VPS9D1: variants seen among roughly 807,000 people sequenced by gnomAD.
VPS9D1 encodes VPS9 domain-containing protein 1.
A neutral mutation model predicts 75.8 loss-of-function variants in VPS9D1; 78 were observed. The ratio of observed to expected loss-of-function variants is 1.03; its 90% CI spans 0.86 to 1.24. The LOEUF (loss-of-function observed/expected upper bound fraction) is 1.24, where lower values mean the gene tolerates loss of function less well. Among genes scored for constraint, VPS9D1 ranks in the 50% most tolerant of loss-of-function variants. The pLI, the probability that VPS9D1 is intolerant of heterozygous loss-of-function variation, is 0.00. For missense variants in VPS9D1, 1,057 were observed against 847.7 expected, an observed-to-expected ratio of 1.25 and a Z score of -3.07; for synonymous variants, 481 against 385.6, an observed-to-expected ratio of 1.25 and a Z score of -2.90.
intron 6 of VPS9D1, 104 bp from the exon 7 acceptor site, chr16:89,712,203 C>T: frequency 1.3e-6 from 2 of 1,490,178 alleles, no homozygotes; most frequent in Non-Finnish European, 9.1e-7. Context: ...GACCTCCTCT[C>T]GGTGAGGGGC....
intron 1 of VPS9D1, among the ~76,000 whole-genome samples, chr16:89,720,242 G>A (rs369845571): frequency 2.0e-5 from 3 of 152,170 alleles, no homozygotes; most frequent in East Asian, 3.9e-4. Context: ...GGCTGGGCCA[G>A]CTTCTCTACC....
In VPS9D1 at chr16:89,711,898, T is replaced by C; in HGVS notation, c.731A>G (p.Glu244Gly). 1 of 1,551,182 alleles carries C rather than the reference T, an allele frequency of 6.4e-7. No individual in the cohort carries two copies. The highest frequency in any genetic ancestry group is 8.7e-7 in the Non-Finnish European group (1 of 1,146,968). The change falls in exon 8 of 15, where the codon GAG becomes GGG. Residue 244 changes from glutamate to glycine, a missense_variant. Physicochemically the swap from Glu to Gly is moderately conservative, Grantham distance 98 (BLOSUM62 -2). Transcript: ENST00000389386. ...EQRALYAAIL[E>G]YEQDHDWPKH... is the part of the protein sequence containing the mutation. ...GGGACGCACATGGTCCTGTTCGTAC[T>C]CCAGGATGGCGGCGTAAAGGGCCCG...
chr16:89,720,452 A>C, intron 1 of VPS9D1: 1 of 1,071,398 alleles, frequency 9.3e-7, no homozygotes, highest in East Asian at 6.2e-5. Context: ...CCTGCCCGTC[A>C]CTCGGATTTT....
Position 89,709,239 on chromosome 16 carries a change from G to T in VPS9D1, c.1585C>A (p.Leu529Met). 6.2e-7 allele frequency: 1 copy of T among 1,611,954 alleles called. No homozygotes were observed. Among genetic ancestry groups the T allele is most frequent in the South Asian group, 1.1e-5 (1 of 91,050 alleles). ...LVLESCPQKK[L>M]ECIVRTLRII... Reference sequence around the variant, plus strand: ...CGAACCTGCTGACCTATGCACTCCAGCTTCTTCTGGGGGCAGCTCTCCAGG... The same window carrying T: ...CGAACCTGCTGACCTATGCACTCCATCTTCTTCTGGGGGCAGCTCTCCAGG... The change falls in exon 12 of 15, where the codon CTG (leucine) becomes ATG (methionine). Residue 529 changes from leucine (L) to methionine (M), a missense_variant. Leu to Met is a conservative substitution (Grantham distance 15). Coordinates refer to ENST00000389386, the MANE Select transcript of VPS9D1 (RefSeq NM_004913.3).
intron 2 of VPS9D1, among the ~76,000 whole-genome samples, chr16:89,718,469 C>T (rs1305414251): frequency 2.0e-5 from 3 of 152,312 alleles, no homozygotes; most frequent in South Asian, 2.1e-4. Context: ...TGCTGCCCCA[C>T]GTCTGTGCCG....
At position 89,718,863 on chromosome 16, in the gene VPS9D1, G is replaced by A. The variant is rs1055936886; in HGVS notation, c.175+164C>T. ...CGAGTAGCTGGGACTACAGACACCC[G>A]CCACCAGGCCCAGCTGATTTTTTAG... is the stretch of plus-strand genomic sequence containing the variant. On this transcript the variant is annotated intron_variant, in intron 2 of 14. Coordinates refer to ENST00000389386, the MANE Select transcript of VPS9D1 (RefSeq NM_004913.3). Among the ~76,000 whole-genome samples, 5 of 152,050 alleles carry A rather than the reference G, an allele frequency of 3.3e-5. No homozygotes were observed. The highest frequency in any genetic ancestry group is 2.1e-4 in the South Asian group (1 of 4,818).
At position 89,708,926 on chromosome 16, in the gene VPS9D1, G is replaced by A. The variant is rs1260089891; in HGVS notation, c.1628C>T (p.Ala543Val). ...CTCTGGGGTGGGGCAGTAGTCTTCCGCACAGACACAGATGATCCGCAGGGT... is the reference window on the plus strand; with the variant it reads ...CTCTGGGGTGGGGCAGTAGTCTTCCACACAGACACAGATGATCCGCAGGGT... ...VRTLRIICVC[A>V]EDYCPTPEAT... The change falls in exon 13 of 15, where the codon GCG (alanine) becomes GTG (valine). Residue 543 changes from alanine to valine, a missense_variant. Physicochemically the swap from Ala to Val is moderately conservative, Grantham distance 64 (BLOSUM62 0). Transcript: ENST00000389386. 8.1e-6 allele frequency: 13 copies of A among 1,603,946 alleles called. No individual in the cohort carries two copies. The highest frequency in any genetic ancestry group is 6.7e-5 in the East Asian group (3 of 44,642).
At chr16:89,720,335 A>G in intron 1 of VPS9D1, 1 of 886,274 alleles carries the variant, frequency 1.1e-6, no homozygotes, top group Non-Finnish European at 1.4e-6. Context: ...GACGACTGCA[A>G]ACAGCATCAC....
intron 2 of VPS9D1, chr16:89,717,638 C>G (rs781369023): frequency 2.8e-5 from 13 of 456,452 alleles, no homozygotes; most frequent in South Asian, 2.0e-4. Flanking sequence ...CCCCGACTCC[C>G]CCCGGAAACT....
In VPS9D1 at chr16:89,709,061, A is replaced by G. The variant is rs182456400; in HGVS notation, c.1598-105T>C. 170 of 1,073,184 alleles carry G rather than the reference A, an allele frequency of 1.6e-4. 2 individuals are homozygous for G. The East Asian group carries it at 7.3e-3, about 46-fold the overall frequency. 66.5% of individuals were successfully genotyped at this position (1,073,184 alleles called of 1,614,324 possible). On this transcript the variant is annotated intron_variant, in intron 12 of 14. Transcript: ENST00000389386. ...CACCTCCTGATGTGCACGGCTGGGA[A>G]GAGCCACGGTGACCCTGGCGATGTT...
Position 89,710,846 on chromosome 16 carries a change from C to T in VPS9D1, c.998G>A (p.Cys333Tyr). The T allele has an allele frequency of 6.6e-7, 1 of 1,521,010 alleles. No individual in the cohort carries two copies. Among genetic ancestry groups the T allele is most frequent in the South Asian group, 1.2e-5 (1 of 82,930 alleles). 94.2% of individuals were successfully genotyped at this position (1,521,010 alleles called of 1,614,324 possible). A position where few individuals can be genotyped will look rare whatever the true frequency, so the allele number is the denominator to read the frequency against. ...RRLRPSQSLH[C>Y]MLSPPEPSAA... ...GCTGGGCTCGGGCGGGGACAGCATGCAATGGAGGCTCTGCGAGGGCCGCAG... is the reference window on the plus strand; with the variant it reads ...GCTGGGCTCGGGCGGGGACAGCATGTAATGGAGGCTCTGCGAGGGCCGCAG... The change falls in exon 10 of 15, where the codon TGC becomes TAC. Residue 333 changes from cysteine to tyrosine, a missense_variant. Coordinates refer to ENST00000389386, the MANE Select transcript of VPS9D1 (RefSeq NM_004913.3).
Position 89,711,027 on chromosome 16 carries a change from C to A in VPS9D1, c.834-17G>T. 1 of 1,435,684 alleles carries A rather than the reference C, an allele frequency of 7.0e-7. No homozygotes were observed. Among genetic ancestry groups the A allele is most frequent in the South Asian group, 1.5e-5 (1 of 67,984 alleles). 88.9% of individuals were successfully genotyped at this position (1,435,684 alleles called of 1,614,324 possible). ...TCGGGGAGGCTGCGGGAGAAGAGGA[C>A]GTGAGAACGCGGCCAGCCTCGGCCT... On this transcript the variant is annotated splice_polypyrimidine_tract_variant and intron_variant, in intron 9 of 14. Coordinates refer to ENST00000389386, the MANE Select transcript of VPS9D1 (RefSeq NM_004913.3).
At position 89,707,506 on chromosome 16, in the gene VPS9D1, TCCCCAGGAGCTG is replaced by T. The variant is rs2060821342; in HGVS notation, c.*343_*354del. 11 of 193,900 alleles carry T rather than the reference TCCCCAGGAGCTG, an allele frequency of 5.7e-5. No homozygotes were observed. In the South Asian group the frequency reaches 1.1e-3, roughly 20 times the overall value. The allele number at this position is 193,900 out of a possible 1,614,324, so 12.0% of individuals were successfully genotyped here. A position where few individuals can be genotyped will look rare whatever the true frequency, so the allele number is the denominator to read the frequency against. On this transcript the variant is annotated 3_prime_UTR_variant, in exon 15 of 15. Coordinates refer to ENST00000389386, the MANE Select transcript of VPS9D1 (RefSeq NM_004913.3). ...CTCATGGCCCCCTCTTCCCTGATGC[TCCCCAGGAGCTG>T]CCCCAGCCAGATGTTCATCGCTGAG...
chr16:89,707,830 G>A lies in VPS9D1; in HGVS notation c.*31C>T. Reference sequence around the variant, plus strand: ...GAGACAGCCCTGGGAGGCGAGGCCAGGCCCTGCAGGGACCCTGGGCTCTAG... The same window carrying A: ...GAGACAGCCCTGGGAGGCGAGGCCAAGCCCTGCAGGGACCCTGGGCTCTAG... On this transcript the variant is annotated 3_prime_UTR_variant, in exon 15 of 15. Coordinates refer to ENST00000389386, the MANE Select transcript of VPS9D1 (RefSeq NM_004913.3). 6.2e-7 allele frequency: 1 copy of A among 1,606,778 alleles called. No homozygotes were observed. The highest frequency in any genetic ancestry group is 8.5e-7 in the Non-Finnish European group (1 of 1,174,648).
At chr16:89,720,716 C>A in intron 1 of VPS9D1, 47 bp downstream of exon 1, 1 of 1,402,970 alleles carries the variant, frequency 7.1e-7, no homozygotes, top group Non-Finnish European at 9.3e-7. Context: ...GGGGGTCCCT[C>A]CAGGGGCCAC....
chr16:89,711,998 G>A (rs927061057), intron 7 of VPS9D1, 29 bp from the exon 8 acceptor site: 21 of 1,549,632 alleles, frequency 1.4e-5, no homozygotes, highest in Non-Finnish European at 1.8e-5. Flanking sequence ...GGTGGGTGCC[G>A]GGGCCAGGCC....
At chr16:89,713,329 A>C (rs2060984028) in intron 4 of VPS9D1, among the ~76,000 whole-genome samples, 1 of 150,904 alleles carries the variant, frequency 6.6e-6, no homozygotes, top group African/African-American at 2.4e-5. Context: ...ATCTCGGCTC[A>C]CTGCAAACTC....
rs1454246591 is a variant in VPS9D1 at position 89,712,366 on chromosome 16, A to C, written c.606+94T>G. On this transcript the variant is annotated intron_variant, in intron 6 of 14. Coordinates refer to ENST00000389386, the MANE Select transcript of VPS9D1 (RefSeq NM_004913.3). ...CTCGGCCCTGTACCCCGACCCCGGA[A>C]CCTCCGCTCCCCTCGCTGCCCCCTT... 7 of 1,559,572 alleles carry C rather than the reference A, an allele frequency of 4.5e-6. No individual in the cohort carries two copies. The East Asian group carries it at 1.6e-4, about 36-fold the overall frequency.
At chr16:89,710,257 G>A (rs1048817404) in intron 10 of VPS9D1, among the ~76,000 whole-genome samples, 2 of 152,212 alleles carry the variant, frequency 1.3e-5, no homozygotes, top group African/African-American at 4.8e-5. Flanking sequence ...CAGTGAGAAT[G>A]ACGCCTGGAC....
Sources: gnomAD v4.1 joint callset for allele counts (sites outside exome capture counted in the v4.1 genomes callset) on GRCh38, gnomAD v4.1.1 for gene constraint, MANE v1.5 for transcripts, NCBI Gene and HGNC (gene_info 2026-07-23, HGNC 2026-07-21) for gene names.